The following EYS variants were observed in gnomAD, a reference collection of about 807,000 sequenced individuals.
EYS encodes EGF-like photoreceptor maintenance factor, also known as protein eyes shut homolog.
Under a neutral mutation model 282.1 loss-of-function variants are expected in EYS, and 250 were observed. The ratio of observed to expected loss-of-function variants is 0.89; its 90% CI spans 0.80 to 0.98. EYS has a LOEUF of 0.98. EYS is among the 50% of genes least tolerant of loss of function. EYS has a pLI of 0.00. For missense variants in EYS, 4,016 were observed against 3,709.0 expected (o/e 1.08, Z -2.15); for synonymous variants, 1,355 against 1,282.9 (o/e 1.06, Z -1.20).
Position 65,581,054 on chromosome 6 carries a change from A to G in EYS, c.-333+58724T>C, listed in dbSNP as rs375007276. Among the ~76,000 whole-genome samples, 52 of 152,260 alleles carry G rather than the reference A, an allele frequency of 3.4e-4. 3 individuals are homozygous for G. In the East Asian group the frequency reaches 4.8e-3, roughly 14 times the overall value. ...CTTTTAAAAAAGTGAATTTCTCATA[A>G]TGGATCTCTTAAGGAATTATCTATT... is the stretch of plus-strand genomic sequence containing the variant. On this transcript the variant is annotated intron_variant, in intron 2 of 42. Transcript: ENST00000503581.
At chr6:65,397,588 GT>G (rs1562150698) in intron 7 of EYS, among the ~76,000 whole-genome samples, 4 of 10,710 alleles carry the variant, frequency 3.7e-4, no homozygotes, top group Non-Finnish European at 6.9e-4. Context: ...TTCATGGTGT[GT>G]GTGTGTGTGT....
intron 2 of EYS, among the ~76,000 whole-genome samples, chr6:65,568,467 G>T (rs1764362956): frequency 6.6e-6 from 1 of 151,840 alleles, no homozygotes; most frequent in Admixed American, 6.6e-5. Context: ...ATTTTTCAAT[G>T]ACTCTTTAAG....
chr6:64,760,813 T>C (rs1773133566), intron 22 of EYS, among the ~76,000 whole-genome samples: 1 of 152,144 alleles, frequency 6.6e-6, no homozygotes, highest in South Asian at 2.1e-4. Flanking sequence ...GTGGGAACCC[T>C]ACAAAGTCAG....
intron 22 of EYS, among the ~76,000 whole-genome samples, chr6:64,678,386 T>TG (rs962384007): frequency 1.4e-4 from 22 of 152,044 alleles, no homozygotes; most frequent in African/African-American, 4.6e-4. Context: ...GAGGACAGCC[T>TG]GGCCAACATG....
intron 2 of EYS, among the ~76,000 whole-genome samples, chr6:65,565,537 T>C (rs1445267712): frequency 1.3e-5 from 2 of 152,014 alleles, no homozygotes; most frequent in Non-Finnish European, 2.9e-5. Flanking sequence ...GAAGACAGTG[T>C]GGCAATTCCT....
intron 26 of EYS, among the ~76,000 whole-genome samples, chr6:64,446,311 C>T (rs1191461958): frequency 1.3e-5 from 2 of 152,014 alleles, no homozygotes; most frequent in African/African-American, 4.8e-5. Flanking sequence ...AATCAATGAA[C>T]CTTCCCTCTC....
At position 63,773,181 on chromosome 6, in the gene EYS, G is replaced by A. The variant is rs139605187; in HGVS notation, c.7898+4825C>T. 3.9e-3 allele frequency among the ~76,000 whole-genome samples: 587 copies of A among 152,198 alleles called. 3 individuals carry two copies. The highest frequency in any genetic ancestry group is 0.012 in the African/African-American group (510 of 41,518). ...TTAGTTTGCTCTAATACATAATAGT[G>A]TCTGATTCTCTACAGCCTCACTAAT... On this transcript the variant is annotated intron_variant, in intron 40 of 42. Transcript: ENST00000503581.
chr6:63,859,440 C>T (rs1364321160), intron 36 of EYS, among the ~76,000 whole-genome samples: 1 of 151,870 alleles, frequency 6.6e-6, no homozygotes, highest in Non-Finnish European at 1.5e-5. Context: ...ACACTGCTTT[C>T]CTCAAGGACC....
At chr6:63,826,845 C>CAAAAAAAAAAAAAAAAAGAACAAA (rs1771475400) in intron 36 of EYS, among the ~76,000 whole-genome samples, 1 of 76,762 alleles carries the variant, frequency 1.3e-5, no homozygotes, top group African/African-American at 5.1e-5. Context: ...AGTTAAAAAG[C>CAAAAAAAAAAAAAAAAAGAACAAA]AAAAAAAAAA....
chr6:65,012,556 T>C (rs953188349), intron 13 of EYS, among the ~76,000 whole-genome samples: 2 of 152,012 alleles, frequency 1.3e-5, no homozygotes, highest in African/African-American at 4.8e-5. Flanking sequence ...ACACAAAGAC[T>C]TAGGATAAGG....
In EYS at chr6:65,179,376, A is replaced by G. The variant is rs863520; in HGVS notation, c.2023+116487T>C. The stretch of plus-strand genomic sequence containing the variant: ...GATGTAATAAAAAATGATAAAGGGG[A>G]TACCACCACCAATCCCACAGAAATA... On this transcript the variant is annotated intron_variant, in intron 12 of 42. Coordinates refer to ENST00000503581, the MANE Select transcript of EYS (RefSeq NM_001142800.2). 8.9e-3 allele frequency among the ~76,000 whole-genome samples: 1,355 copies of G among 152,262 alleles called. 14 individuals carry two copies. Among genetic ancestry groups the G allele is most frequent in the African/African-American group, 0.031 (1,286 of 41,570 alleles).
chr6:63,940,922 G>GA (rs1765217654), intron 35 of EYS, among the ~76,000 whole-genome samples: 1 of 148,232 alleles, frequency 6.7e-6, no homozygotes, highest in African/African-American at 2.5e-5. Flanking sequence ...CTATGAGTGA[G>GA]AACATGCAGT....
intron 8 of EYS, among the ~76,000 whole-genome samples, chr6:65,374,784 A>G (rs75085892): frequency 0.057 from 8,692 of 152,174 alleles, 388 homozygotes; most frequent in Non-Finnish European, 0.083. Flanking sequence ...GACTGGGCGG[A>G]ACGCATCACA....
chr6:64,922,129 T>G (rs1768363379), intron 15 of EYS, among the ~76,000 whole-genome samples: 2 of 152,222 alleles, frequency 1.3e-5, no homozygotes, highest in South Asian at 4.1e-4. Flanking sequence ...CTACTGTTAT[T>G]CACTGGGGTG....
chr6:64,985,594 A>G (rs1770833044), intron 14 of EYS, among the ~76,000 whole-genome samples: 1 of 151,528 alleles, frequency 6.6e-6, no homozygotes, highest in Non-Finnish European at 1.5e-5. Context: ...AAAAGATAAG[A>G]ATAACAGTCA....
At chr6:65,271,060 TAAC>T (rs953353926) in intron 12 of EYS, among the ~76,000 whole-genome samples, 41 of 145,924 alleles carry the variant, frequency 2.8e-4, no homozygotes, top group Admixed American at 6.3e-4. Flanking sequence ...GTACTTATCA[TAAC>T]AACATCCCAC....
chr6:64,043,021 T>C (rs1021461013), intron 33 of EYS, among the ~76,000 whole-genome samples: 2 of 152,316 alleles, frequency 1.3e-5, no homozygotes, highest in Admixed American at 6.5e-5. Flanking sequence ...TTTCCTCTTC[T>C]ATAAAAAGGA....
Position 64,450,257 on chromosome 6 carries a change from A to G in EYS, c.5645-10905T>C, listed in dbSNP as rs1480978019. Among the ~76,000 whole-genome samples, 3 of 152,168 alleles carry G rather than the reference A, an allele frequency of 2.0e-5. No homozygotes were observed. In the East Asian group the frequency reaches 5.8e-4, roughly 29 times the overall value. ...AAACCAACAAAGATCAAAAGAGACA[A>G]AGAAGGCCATTACATAATGGTAAAG... On this transcript the variant is annotated intron_variant, in intron 26 of 42. Coordinates refer to ENST00000503581, the MANE Select transcript of EYS (RefSeq NM_001142800.2).
rs983028498 is a variant in EYS, at chr6:64,907,621, T to C, written c.2641+4863A>G. The stretch of plus-strand genomic sequence containing the variant: ...CCCCAAACACTTCTATCCTACTATA[T>C]ACAGATCATCTCCACATGAAGAGAA... On this transcript the variant is annotated intron_variant, in intron 16 of 42. Transcript: ENST00000503581. 3.3e-5 allele frequency among the ~76,000 whole-genome samples: 5 copies of C among 152,180 alleles called. No individual in the cohort carries two copies. The East Asian group carries it at 9.6e-4, about 29-fold the overall frequency.
Sources: gnomAD v4.1 joint callset for allele counts (sites outside exome capture counted in the v4.1 genomes callset) on GRCh38, gnomAD v4.1.1 for gene constraint, MANE v1.5 for transcripts, NCBI Gene and HGNC (gene_info 2026-07-23, HGNC 2026-07-21) for gene names.